The following PCDHGA2 variants were observed in gnomAD, a reference collection of about 807,000 sequenced individuals.
The protein encoded by PCDHGA2 is protocadherin gamma-A2.
In PCDHGA2, 40 loss-of-function variants were observed where a neutral mutation model predicts 59.2. The ratio of observed to expected loss-of-function variants is 0.68; its 90% confidence interval spans 0.52 to 0.88. The LOEUF is 0.88. Ranked by LOEUF, PCDHGA2 falls within the 40% of genes least tolerant of loss-of-function variation. The probability of loss-of-function intolerance (pLI) is 0.00; values close to 1 mark genes in which losing one functional copy is unlikely to be tolerated. For missense variants in PCDHGA2, 1,226 were observed against 1,204.0 expected (o/e 1.02, Z -0.27); for synonymous variants, 560 against 526.0 (o/e 1.06, Z -0.89).
At chr5:141,369,999 A>C (rs995138311) in intron 1 of PCDHGA2, among the ~76,000 whole-genome samples, 3 of 152,262 alleles carry the variant, frequency 2.0e-5, no homozygotes, top group African/African-American at 7.2e-5. Flanking sequence ...TAAAGCTCAA[A>C]TTAAAAGAAA....
chr5:141,399,576 C>G, intron 1 of PCDHGA2: 1 of 1,614,028 alleles, frequency 6.2e-7, no homozygotes, highest in South Asian at 1.1e-5. Flanking sequence ...ACGGCCAAGT[C>G]TCCTACTCTA....
chr5:141,407,703 G>A (rs1016806853), intron 1 of PCDHGA2, among the ~76,000 whole-genome samples: 26 of 152,096 alleles, frequency 1.7e-4, no homozygotes, highest in African/African-American at 6.3e-4. Flanking sequence ...ATTGTTGAAG[G>A]TGGGGTGATG....
chr5:141,383,364 C>G lies in PCDHGA2; in HGVS notation c.2424+41969C>G, dbSNP rs1345393790. Reference sequence around the variant, plus strand: ...CTCCTGGGGTTCGGTTTCCGTTAAGCGAGGCTGGGGATCCAGATGTGGGCA... The same window carrying G: ...CTCCTGGGGTTCGGTTTCCGTTAAGGGAGGCTGGGGATCCAGATGTGGGCA... On this transcript the variant is annotated intron_variant, in intron 1 of 3. Transcript: ENST00000394576. The G allele has an allele frequency of 2.5e-6, 4 of 1,613,946 alleles. No homozygotes were observed. The South Asian group carries it at 4.4e-5, about 18-fold the overall frequency.
chr5:141,508,829 C>G (rs370074494), intron 3 of PCDHGA2, among the ~76,000 whole-genome samples: 10 of 152,240 alleles, frequency 6.6e-5, no homozygotes, highest in Middle Eastern at 3.4e-3. Context: ...TCTGGGCCCC[C>G]CTCCCCTACC....
At chr5:141,403,662 A>T in intron 1 of PCDHGA2, 1 of 1,613,902 alleles carries the variant, frequency 6.2e-7, no homozygotes, top group Non-Finnish European at 8.5e-7. Context: ...GATACAAATG[A>T]TAATGCCCCG....
At chr5:141,373,797 C>G (rs1369464661) in intron 1 of PCDHGA2, 1 of 311,662 alleles carries the variant, frequency 3.2e-6, no homozygotes, top group Non-Finnish European at 5.8e-6. Context: ...AAATAAAATC[C>G]TCTGTGTGAT....
chr5:141,398,936 A>G (rs1377976758), intron 1 of PCDHGA2: 2 of 1,613,962 alleles, frequency 1.2e-6, no homozygotes, highest in South Asian at 2.2e-5. Context: ...ACTGACCAAG[A>G]CGAGGGCATC....
At chr5:141,462,302 A>C (rs2099036796) in intron 1 of PCDHGA2, among the ~76,000 whole-genome samples, 1 of 152,222 alleles carries the variant, frequency 6.6e-6, no homozygotes, top group African/African-American at 2.4e-5. Context: ...GTATTACCCA[A>C]ATATATTTGT....
intron 1 of PCDHGA2, chr5:141,377,857 T>C (rs1234593870): frequency 6.6e-6 from 1 of 152,172 alleles, no homozygotes. Context: ...AAAATTAAGA[T>C]TTAAAAGACT....
At chr5:141,344,833 C>G in intron 1 of PCDHGA2, 1 of 1,613,970 alleles carries the variant, frequency 6.2e-7, no homozygotes, top group Non-Finnish European at 8.5e-7. Flanking sequence ...GTGAATGCCA[C>G]TGACCCTGAC....
intron 1 of PCDHGA2, chr5:141,372,455 G>A: frequency 6.2e-7 from 1 of 1,614,060 alleles, no homozygotes; most frequent in South Asian, 1.1e-5. Flanking sequence ...CTCAGGCGGA[G>A]CTACAGTTTC....
intron 1 of PCDHGA2, chr5:141,366,068 C>T: frequency 6.2e-7 from 1 of 1,614,238 alleles, no homozygotes; most frequent in Admixed American, 1.7e-5. Flanking sequence ...GCTGGCGCCT[C>T]GCTCCGCAGA....
chr5:141,404,227 A>G, intron 1 of PCDHGA2: 3 of 1,613,818 alleles, frequency 1.9e-6, no homozygotes, highest in East Asian at 2.2e-5. Context: ...TGACTGCAAC[A>G]GACAGAGGAA....
chr5:141,490,454 CG>C lies in PCDHGA2; in HGVS notation c.2425-4352del. ...ATTAAGCCTTCTGAGAACCACTACT[CG>C]CTGCTAACCAGCCAGCCTTTGGACC... On this transcript the variant is annotated intron_variant, in intron 1 of 3. Coordinates refer to ENST00000394576, the MANE Select transcript of PCDHGA2 (RefSeq NM_018915.4). This position sits in a 1 kb window ranked among gnomAD's most constrained non-coding sequence, Gnocchi z 5.4. The C allele has an allele frequency of 1.2e-6, 2 of 1,614,176 alleles. No individual in the cohort carries two copies. Among genetic ancestry groups the C allele is most frequent in the Non-Finnish European group, 1.7e-6 (2 of 1,180,020 alleles).
At position 141,512,133 on chromosome 5, in the gene PCDHGA2, G is replaced by C. The variant is rs1394116556; in HGVS notation, c.*960G>C. 1 of 152,708 alleles carries C rather than the reference G, an allele frequency of 6.5e-6. No homozygotes were observed. Among genetic ancestry groups the C allele is most frequent in the Non-Finnish European group, 1.5e-5 (1 of 68,102 alleles). The allele number at this position is 152,708 out of a possible 1,614,324, so 9.5% of individuals were successfully genotyped here. On this transcript the variant is annotated 3_prime_UTR_variant, in exon 4 of 4. Transcript: ENST00000394576. ...CCACTACATAATAGGGCTCAGCCCA[G>C]GCAGCCAGCTTTGGGCTGAGCTAAC...
At chr5:141,392,833 G>A (rs750632906) in intron 1 of PCDHGA2, 39 of 1,604,260 alleles carry the variant, frequency 2.4e-5, no homozygotes, top group Non-Finnish European at 2.8e-5. Context: ...CCACAGAGTC[G>A]CCCCAGACGC....
chr5:141,413,166 C>A (rs758193163), intron 1 of PCDHGA2: 3 of 1,590,396 alleles, frequency 1.9e-6, no homozygotes, highest in South Asian at 2.3e-5. Flanking sequence ...AATTCTGTAA[C>A]CAGACTACAA....
chr5:141,379,992 T>G (rs1776127891), intron 1 of PCDHGA2, among the ~76,000 whole-genome samples: 1 of 144,024 alleles, frequency 6.9e-6, no homozygotes, highest in South Asian at 2.4e-4. Flanking sequence ...TTCCTCCTCC[T>G]GGGTTCAAGC....
At chr5:141,414,242 T>TA in intron 1 of PCDHGA2, 2 of 1,613,538 alleles carry the variant, frequency 1.2e-6, no homozygotes, top group Non-Finnish European at 1.7e-6. Context: ...ATCACGTCTC[T>TA]ATTTAGTCCA....
Sources: gnomAD v4.1 joint callset for allele counts (sites outside exome capture counted in the v4.1 genomes callset) on GRCh38, gnomAD v4.1.1 for gene constraint, Gnocchi (gnomAD v3.1) non-coding constraint, MANE v1.5 for transcripts, NCBI Gene and HGNC (gene_info 2026-07-23, HGNC 2026-07-21) for gene names.